The following CWC27 variants were observed in gnomAD, a reference collection of about 807,000 sequenced individuals.
The protein encoded by CWC27 is spliceosome-associated protein CWC27 homolog.
Under a neutral mutation model 63.6 loss-of-function variants are expected in CWC27, and 47 were observed. The observed-to-expected ratio is 0.74, with a 90% CI of 0.58 to 0.94. CWC27 has a LOEUF of 0.94. Among genes scored for constraint, CWC27 ranks in the 40% least tolerant of loss-of-function variants. The pLI is 0.00. For synonymous variants in CWC27, 175 were observed against 179.8 expected (o/e 0.97, Z 0.22); for missense variants, 495 against 554.3 (o/e 0.89, Z 1.07).
At chr5:64,909,813 A>T (rs981419059) in intron 11 of CWC27, among the ~76,000 whole-genome samples, 1 of 152,126 alleles carries the variant, frequency 6.6e-6, no homozygotes, top group Admixed American at 6.5e-5. Context: ...TGTTTATTCT[A>T]GTTAGCCATT....
chr5:64,866,980 T>C (rs1746545116), intron 10 of CWC27, among the ~76,000 whole-genome samples: 1 of 152,074 alleles, frequency 6.6e-6, no homozygotes, highest in Admixed American at 6.6e-5. Context: ...TGACATTTTC[T>C]ACGTGAATAT....
chr5:64,952,770 C>T (rs1383551226), intron 11 of CWC27, among the ~76,000 whole-genome samples: 1 of 152,020 alleles, frequency 6.6e-6, no homozygotes, highest in African/African-American at 2.4e-5. Flanking sequence ...TACACTTTCC[C>T]TTTAGAAGCA....
intron 11 of CWC27, among the ~76,000 whole-genome samples, chr5:64,910,784 T>G (rs6861248): frequency 0.095 from 14,437 of 152,240 alleles, 2,091 homozygotes; most frequent in African/African-American, 0.31. Flanking sequence ...TCTCCTGGTG[T>G]GCCATTTGCT....
At chr5:64,795,755 C>T (rs960084080) in intron 7 of CWC27, among the ~76,000 whole-genome samples, 5 of 152,196 alleles carry the variant, frequency 3.3e-5, no homozygotes, top group Non-Finnish European at 7.4e-5. Context: ...TGCAAAGTCT[C>T]TTTTGCCATG....
At chr5:64,973,989 CTTTGGGAGGCCAA>C (rs2112444324) in intron 12 of CWC27, among the ~76,000 whole-genome samples, 1 of 151,692 alleles carries the variant, frequency 6.6e-6, no homozygotes, top group Non-Finnish European at 1.5e-5. Context: ...AATCCCAGGA[CTTTGGGAGGCCAA>C]GATGGGAGGA....
chr5:64,770,299 C>T (rs908824210), intron 1 of CWC27, among the ~76,000 whole-genome samples: 11 of 152,172 alleles, frequency 7.2e-5, no homozygotes, highest in African/African-American at 2.7e-4. Context: ...CCATCCCACC[C>T]CTCACCTATC....
Position 64,804,404 on chromosome 5 carries a change from C to CA in CWC27, c.938+18_938+19insA, listed in dbSNP as rs1744591491. The CA allele has an allele frequency of 5.7e-6, 9 of 1,574,596 alleles. No homozygotes were observed. The highest frequency in any genetic ancestry group is 1.9e-5 in the Admixed American group (1 of 53,106). ...AGCCGCAGGTGAGTCAGTTACTGTG[C>CA]TAGATATCAGAGTTTTTGTCTTTTT... On this transcript the variant is annotated intron_variant, in intron 10 of 13. Transcript: ENST00000381070.
intron 11 of CWC27, among the ~76,000 whole-genome samples, chr5:64,889,540 T>A (rs1747170056): frequency 6.6e-6 from 1 of 152,212 alleles, no homozygotes; most frequent in Admixed American, 6.5e-5. Context: ...TATTTCTATA[T>A]GATATAAGGA....
intron 5 of CWC27, 98 bp downstream of exon 5, chr5:64,785,677 A>G: frequency 3.0e-6 from 2 of 676,718 alleles, no homozygotes; most frequent in East Asian, 3.0e-5. Flanking sequence ...GCTTTATACT[A>G]TGTTAACATC....
intron 11 of CWC27, among the ~76,000 whole-genome samples, chr5:64,967,706 C>T (rs1580754443): frequency 6.6e-6 from 1 of 151,966 alleles, no homozygotes; most frequent in East Asian, 1.9e-4. Flanking sequence ...TATTGGAACA[C>T]TTGATGTCTG....
intron 11 of CWC27, among the ~76,000 whole-genome samples, chr5:64,931,421 A>G (rs933007414): frequency 6.6e-6 from 1 of 151,942 alleles, no homozygotes; most frequent in South Asian, 2.1e-4. Flanking sequence ...TTCAAAATAG[A>G]AATATTAAAA....
chr5:64,850,873 A>C (rs1402845719), intron 10 of CWC27, among the ~76,000 whole-genome samples: 1 of 148,410 alleles, frequency 6.7e-6, no homozygotes. Context: ...ATCACCTCAC[A>C]CCTGTCAGAA....
intron 11 of CWC27, among the ~76,000 whole-genome samples, chr5:64,944,942 C>T (rs1042958472): frequency 3.3e-5 from 5 of 152,062 alleles, no homozygotes; most frequent in African/African-American, 9.6e-5. Context: ...AAAATCTGTA[C>T]TCTCTCCCCT....
At chr5:64,790,964 A>G (rs1279715578) in intron 7 of CWC27, among the ~76,000 whole-genome samples, 1 of 152,100 alleles carries the variant, frequency 6.6e-6, no homozygotes, top group Non-Finnish European at 1.5e-5. Flanking sequence ...TAGCTAGTTA[A>G]GTCTCTCATA....
intron 13 of CWC27, among the ~76,000 whole-genome samples, chr5:65,001,773 G>A (rs1749736367): frequency 1.3e-5 from 2 of 151,826 alleles, no homozygotes; most frequent in Non-Finnish European, 2.9e-5. Context: ...ATAGTGGCCT[G>A]TAGTTTTCTT....
chr5:64,910,985 T>A (rs777606254), intron 11 of CWC27, among the ~76,000 whole-genome samples: 8 of 152,200 alleles, frequency 5.3e-5, no homozygotes, highest in Non-Finnish European at 8.8e-5. Flanking sequence ...CCCAGTGAGA[T>A]GAACCACATA....
chr5:64,769,235 G>A lies in CWC27; in HGVS notation c.42+47G>A, dbSNP rs191791715. 1.9e-6 allele frequency: 3 copies of A among 1,573,122 alleles called. No individual in the cohort carries two copies. In the Admixed American group the frequency reaches 5.0e-5, roughly 26 times the overall value. On this transcript the variant is annotated intron_variant, in intron 1 of 13. Coordinates refer to ENST00000381070, the MANE Select transcript of CWC27 (RefSeq NM_005869.4). ...CTTGGGGTCCTGGGATCCCCAAAGT[G>A]AGATTTCCCGGATTTGGGGTGGGGA...
intron 10 of CWC27, among the ~76,000 whole-genome samples, chr5:64,859,402 G>A (rs1332872372): frequency 1.3e-5 from 2 of 152,076 alleles, no homozygotes; most frequent in African/African-American, 2.4e-5. Flanking sequence ...ATATACACTC[G>A]AGATACAGCT....
chr5:64,861,016 A>G (rs2112310901), intron 10 of CWC27, among the ~76,000 whole-genome samples: 1 of 152,306 alleles, frequency 6.6e-6, no homozygotes, highest in East Asian at 1.9e-4. Flanking sequence ...CTGGGACCTT[A>G]GTTGGGGCTC....
Sources: gnomAD v4.1 joint callset for allele counts (sites outside exome capture counted in the v4.1 genomes callset) on GRCh38, gnomAD v4.1.1 for gene constraint, MANE v1.5 for transcripts, NCBI Gene and HGNC (gene_info 2026-07-23, HGNC 2026-07-21) for gene names.